SLC12A4: variants seen among roughly 807,000 people sequenced by gnomAD.
SLC12A4 encodes solute carrier family 12 member 4.
SLC12A4 carries 84 observed loss-of-function variants against 119.2 expected under a neutral mutation model. The observed-to-expected ratio is 0.70, with a 90% CI of 0.59 to 0.85. SLC12A4 has a LOEUF of 0.85. Ranked by LOEUF, SLC12A4 falls within the 40% of genes least tolerant of loss-of-function variation. The pLI, the probability that SLC12A4 is intolerant of heterozygous loss-of-function variation, is 0.00. For missense variants in SLC12A4, 1,298 were observed against 1,476.3 expected (o/e 0.88, Z 1.98); for synonymous variants, 599 against 604.6 (o/e 0.99, Z 0.14).
chr16:67,960,821 C>G (rs2030522916), intron 3 of SLC12A4, among the ~76,000 whole-genome samples: 2 of 151,838 alleles, frequency 1.3e-5, no homozygotes, highest in Admixed American at 1.3e-4. Context: ...GGCCAGAGAA[C>G]TGGATTAGTG....
chr16:67,952,139 G>C, intron 7 of SLC12A4, 45 bp downstream of exon 7: 1 of 1,612,016 alleles, frequency 6.2e-7, no homozygotes, highest in Non-Finnish European at 8.5e-7. Flanking sequence ...GGCTACATGG[G>C]AGGGATGTCC....
In SLC12A4 at chr16:67,944,231, GA is replaced by G; in HGVS notation, c.*608del. On this transcript the variant is annotated 3_prime_UTR_variant, in exon 24 of 24. Transcript: ENST00000316341. This position sits in a 1 kb window ranked among gnomAD's most constrained non-coding sequence, Gnocchi z 6.6. ...TGGGGGTTGTGGCCAGAGATTGCCG[GA>G]AAGGGGCACAGCCTCAGGGAGCCGG... 1.4e-6 allele frequency: 2 copies of G among 1,448,928 alleles called. No individual in the cohort carries two copies. Among genetic ancestry groups the G allele is most frequent in the Non-Finnish European group, 1.8e-6 (2 of 1,097,844 alleles). The allele number at this position is 1,448,928 out of a possible 1,614,324, so 89.8% of individuals were successfully genotyped here.
At chr16:67,965,250 A>G (rs2151341105) in intron 1 of SLC12A4, among the ~76,000 whole-genome samples, 1 of 152,340 alleles carries the variant, frequency 6.6e-6, no homozygotes, top group East Asian at 1.9e-4. Context: ...TGCCTCTTAC[A>G]TTAATGACAT....
chr16:67,968,686 C>T (rs945580764), upstream of SLC12A4: 2 of 1,250,056 alleles, frequency 1.6e-6, no homozygotes, highest in Non-Finnish European at 2.0e-6. Context: ...CCTCCGCCCG[C>T]CCCCCGGGCC....
In SLC12A4 at chr16:67,946,158, C is replaced by G; in HGVS notation, c.2607+13G>C. On this transcript the variant is annotated intron_variant, in intron 19 of 23. Coordinates refer to ENST00000316341, the MANE Select transcript of SLC12A4 (RefSeq NM_005072.5). ...GCCTAGCCCCTCTCATCTGCACCCA[C>G]CCCCTGGTCTACCTTATGCTGGCGC... The G allele has an allele frequency of 6.2e-7, 1 of 1,613,718 alleles. No individual in the cohort carries two copies. The highest frequency in any genetic ancestry group is 1.1e-5 in the South Asian group (1 of 91,092).
chr16:67,963,457 TCA>T lies in SLC12A4; in HGVS notation c.210+6_210+7del, dbSNP rs1279131332. On this transcript the variant is annotated splice_donor_region_variant and intron_variant, in intron 2 of 23. Coordinates refer to ENST00000316341, the MANE Select transcript of SLC12A4 (RefSeq NM_005072.5). The stretch of plus-strand genomic sequence containing the variant: ...CAAACCTGTGGCCCAAAATGGCTCC[TCA>T]GCTACCTCAAACAGTGCCAGGTTCC... 1 of 1,561,486 alleles carries T rather than the reference TCA, an allele frequency of 6.4e-7. No individual in the cohort carries two copies. The highest frequency in any genetic ancestry group is 8.6e-7 in the Non-Finnish European group (1 of 1,163,268).
rs2030382171 is a variant in SLC12A4 at position 67,958,169 on chromosome 16, G to C, written c.343-125C>G. 3.4e-6 allele frequency: 3 copies of C among 884,366 alleles called. No individual in the cohort carries two copies. The East Asian group carries it at 7.9e-5, about 23-fold the overall frequency. The allele number at this position is 884,366 out of a possible 1,614,324, so 54.8% of individuals were successfully genotyped here. ...CCCAGGGAACACAGAGAGTAGGGGT[G>C]ACAGCTAGGATGTCTCTATTGACTT... On this transcript the variant is annotated intron_variant, in intron 3 of 23. Coordinates refer to ENST00000316341, the MANE Select transcript of SLC12A4 (RefSeq NM_005072.5).
intron 16 of SLC12A4, 65 bp downstream of exon 16, chr16:67,947,266 C>T: frequency 5.2e-6 from 8 of 1,541,924 alleles, no homozygotes; most frequent in Non-Finnish European, 7.1e-6. Flanking sequence ...ACCTCTCGAC[C>T]CTCTGACCCC....
intron 3 of SLC12A4, among the ~76,000 whole-genome samples, chr16:67,961,233 G>A (rs1001931738): frequency 1.3e-5 from 2 of 152,210 alleles, no homozygotes; most frequent in African/African-American, 4.8e-5. Context: ...GAAAAATGGG[G>A]ATGATAGTAA....
chr16:67,962,195 T>G (rs2030616445), intron 2 of SLC12A4: 1 of 154,052 alleles, frequency 6.5e-6, no homozygotes, highest in Non-Finnish European at 1.4e-5. Context: ...GCCCAAACCC[T>G]GATCTCCCTG....
Position 67,945,829 on chromosome 16 carries a change from T to G in SLC12A4, c.2782A>C (p.Met928Leu). ...AGCATCTGCGACCGCTGCTCCATCA[T>G]CAGCGTCCGCTCGTAGGTGTATGCA... ...ISAYTYERTL[M>L]MEQRSQMLRQ... Residue 928 changes from methionine to leucine, a missense_variant, in exon 21 of 24, where the codon ATG becomes CTG. By Grantham distance (15) the Met-to-Leu change is conservative (BLOSUM62 2). Transcript: ENST00000316341. 5 of 1,614,012 alleles carry G rather than the reference T, an allele frequency of 3.1e-6. No individual in the cohort carries two copies. The highest frequency in any genetic ancestry group is 4.2e-6 in the Non-Finnish European group (5 of 1,180,042).
Position 67,944,811 on chromosome 16 carries a change from C to T in SLC12A4, c.*29G>A, listed in dbSNP as rs1598206675. 15 of 1,610,236 alleles carry T rather than the reference C, an allele frequency of 9.3e-6. No homozygotes were observed. The highest frequency in any genetic ancestry group is 2.2e-5 in the South Asian group (2 of 90,894). On this transcript the variant is annotated 3_prime_UTR_variant, in exon 24 of 24. Coordinates refer to ENST00000316341, the MANE Select transcript of SLC12A4 (RefSeq NM_005072.5). The surrounding 1 kb of genome is among the most constrained non-coding windows in gnomAD (Gnocchi z 6.6). ...GCTTGTTATGTCCTGGCCAAGACCT[C>T]GACTCCAGGCCACAAGATGACACTG...
Position 67,950,940 on chromosome 16 carries a change from C to T in SLC12A4, c.1396+22G>A. 1 of 1,608,796 alleles carries T rather than the reference C, an allele frequency of 6.2e-7. No homozygotes were observed. Among genetic ancestry groups the T allele is most frequent in the Non-Finnish European group, 8.5e-7 (1 of 1,175,906 alleles). ...CGCTTCCCGTCCTCTGCCCCACCTG[C>T]CCCAGGCCTGGGAAAGGATACACAC... On this transcript the variant is annotated intron_variant, in intron 10 of 23. Coordinates refer to ENST00000316341, the MANE Select transcript of SLC12A4 (RefSeq NM_005072.5). This position sits in a 1 kb window ranked among gnomAD's most constrained non-coding sequence, Gnocchi z 4.3.
intron 14 of SLC12A4, 44 bp downstream of exon 14, chr16:67,948,017 C>T (rs1192364578): frequency 3.1e-6 from 5 of 1,596,222 alleles, no homozygotes; most frequent in Non-Finnish European, 4.3e-6. Flanking sequence ...CAGAATGAGG[C>T]TCCTGGCCTC....
intron 1 of SLC12A4, among the ~76,000 whole-genome samples, chr16:67,966,039 C>T (rs367589565): frequency 1.3e-5 from 2 of 152,220 alleles, no homozygotes; most frequent in East Asian, 3.8e-4. Context: ...GTACGCATAC[C>T]TAGGCCTCTG....
chr16:67,966,672 G>C, intron 1 of SLC12A4: 3 of 1,520,006 alleles, frequency 2.0e-6, no homozygotes, highest in Non-Finnish European at 2.7e-6. Context: ...CTGGGGAAGG[G>C]GCAGGAGATA....
chr16:67,963,807 G>C, intron 1 of SLC12A4: 1 of 1,318,588 alleles, frequency 7.6e-7, no homozygotes, highest in East Asian at 2.5e-5. Context: ...TGAGGGCGCA[G>C]GCGCCCTAGC....
Position 67,961,711 on chromosome 16 carries a change from A to T in SLC12A4, c.211-5T>A. 1 of 1,614,000 alleles carries T rather than the reference A, an allele frequency of 6.2e-7. No homozygotes were observed. Among genetic ancestry groups the T allele is most frequent in the Non-Finnish European group, 8.5e-7 (1 of 1,179,942 alleles). On this transcript the variant is annotated splice_region_variant and splice_polypyrimidine_tract_variant and intron_variant, in intron 2 of 23. Transcript: ENST00000316341. Reference sequence around the variant, plus strand: ...TGGGCGGATGTCCAGCTCTTCCTGCAAACAGAGCCACAGGGCAAGATGGCA... The same window carrying T: ...TGGGCGGATGTCCAGCTCTTCCTGCTAACAGAGCCACAGGGCAAGATGGCA...
chr16:67,957,922 G>A lies in SLC12A4; in HGVS notation c.465C>T (p.Leu155=). ...CACAACAGCAGCAGATAAGCACGAT[G>A]AGGAGGGCCTGTAGCACACCTGCTG... ...VGTAGVLQAL[L]IVLICCCCTL... The change falls in exon 4 of 24, where the codon CTC becomes CTT. Residue 155 remains leucine (L), a synonymous_variant. Coordinates refer to ENST00000316341, the MANE Select transcript of SLC12A4 (RefSeq NM_005072.5). 1 of 1,614,052 alleles carries A rather than the reference G, an allele frequency of 6.2e-7. No homozygotes were observed.
Sources: gnomAD v4.1 joint callset for allele counts (sites outside exome capture counted in the v4.1 genomes callset) on GRCh38, gnomAD v4.1.1 for gene constraint, Gnocchi (gnomAD v3.1) non-coding constraint, MANE v1.5 for transcripts, NCBI Gene and HGNC (gene_info 2026-07-23, HGNC 2026-07-21) for gene names.